CROCC: variants seen among roughly 807,000 people sequenced by gnomAD.
CROCC encodes rootletin.
A neutral mutation model predicts 245.2 loss-of-function variants in CROCC; 180 were observed. That is an observed-to-expected ratio of 0.73 (90% CI 0.65 to 0.83). The LOEUF (loss-of-function observed/expected upper bound fraction) is 0.83. Ranked by LOEUF, CROCC falls within the 40% of genes least tolerant of loss-of-function variation. CROCC has a pLI of 0.00. For missense variants in CROCC, 2,688 were observed against 2,779.4 expected (o/e 0.97, Z 0.74); for synonymous variants, 1,205 against 1,241.6 (o/e 0.97, Z 0.62).
Position 16,948,601 on chromosome 1 carries a change from C to A in CROCC, c.2708+77C>A, listed in dbSNP as rs559102346. On this transcript the variant is annotated intron_variant, in intron 18 of 36. Coordinates refer to ENST00000375541, the MANE Select transcript of CROCC (RefSeq NM_014675.5). The stretch of plus-strand genomic sequence containing the variant: ...CACCATGACCAGCCACACGCAGGCA[C>A]GGGCCCCCAGGGGCAGTTACTAAGG... The A allele has an allele frequency of 5.4e-6, 8 of 1,474,000 alleles. No homozygotes were observed. The South Asian group carries it at 5.7e-5, about 10-fold the overall frequency. 91.3% of individuals were successfully genotyped at this position (1,474,000 alleles called of 1,614,324 possible).
chr1:16,948,067 G>T (rs1338753318), intron 17 of CROCC, among the ~76,000 whole-genome samples: 1 of 152,276 alleles, frequency 6.6e-6, no homozygotes, highest in Non-Finnish European at 1.5e-5. Context: ...TTGAACTCCT[G>T]ACCTCAAGTG....
intron 24 of CROCC, 49 bp downstream of exon 24, chr1:16,955,599 C>G: frequency 7.1e-7 from 1 of 1,409,232 alleles, no homozygotes; most frequent in East Asian, 2.4e-5. Flanking sequence ...GGATCCCATC[C>G]CTGAAACCTA....
At chr1:16,919,744 A>AT (rs1265021349), upstream of CROCC, among the ~76,000 whole-genome samples, 3 of 152,360 alleles carry the variant, frequency 2.0e-5, no homozygotes, top group African/African-American at 4.8e-5. Context: ...TATCAGTCGC[A>AT]TTTTTTTGTT....
chr1:16,948,266 G>C lies in CROCC; in HGVS notation c.2515-65G>C, dbSNP rs536926057. On this transcript the variant is annotated intron_variant, in intron 17 of 36. Coordinates refer to ENST00000375541, the MANE Select transcript of CROCC (RefSeq NM_014675.5). ...AGGACTGGGTTAGGCCCAGAGTTGG[G>C]GTGCTGCACGATGAACAAGCTGGGG... 2.7e-6 allele frequency: 4 copies of C among 1,469,978 alleles called. No individual in the cohort carries two copies. In the African/African-American group the frequency reaches 5.6e-5, roughly 20 times the overall value. 91.1% of individuals were successfully genotyped at this position (1,469,978 alleles called of 1,614,324 possible). A position where few individuals can be genotyped will look rare whatever the true frequency, so the allele number is the denominator to read the frequency against.
chr1:16,931,352 T>C lies in CROCC; in HGVS notation c.911T>C (p.Val304Ala). 1 of 1,612,672 alleles carries C rather than the reference T, an allele frequency of 6.2e-7. No homozygotes were observed. Among genetic ancestry groups the C allele is most frequent in the Non-Finnish European group, 8.5e-7 (1 of 1,178,980 alleles). Residue 304 changes from valine (V) to alanine (A), a missense_variant, in exon 8 of 37, where the codon GTG (valine) becomes GCG (alanine). Transcript: ENST00000375541. ...SRLLLLWRQV[V>A]GFRRLVSEVK... ...CTGCTCCTCCTCTGGAGGCAGGTGGTGGGGTTCCGGCGGCTGGTCAGCGAG... is the reference window on the plus strand; with the variant it reads ...CTGCTCCTCCTCTGGAGGCAGGTGGCGGGGTTCCGGCGGCTGGTCAGCGAG...
intron 27 of CROCC, among the ~76,000 whole-genome samples, chr1:16,962,286 C>T (rs922240085): frequency 9.9e-5 from 15 of 151,412 alleles, no homozygotes; most frequent in Non-Finnish European, 1.3e-4. Flanking sequence ...TGGCTCATGC[C>T]TGTAATCCCA....
At position 16,938,979 on chromosome 1, in the gene CROCC, G is replaced by A. The variant is rs1400444919; in HGVS notation, c.1445G>A (p.Gly482Asp). 4 of 1,604,716 alleles carry A rather than the reference G, an allele frequency of 2.5e-6. No homozygotes were observed. Among genetic ancestry groups the A allele is most frequent in the Non-Finnish European group, 3.4e-6 (4 of 1,177,120 alleles). Residue 482 changes from glycine to aspartate, a missense_variant, in exon 12 of 37, where the codon GGC (glycine) becomes GAC (aspartate). Physicochemically the swap from Gly to Asp is moderately conservative, Grantham distance 94 (BLOSUM62 -1). Transcript: ENST00000375541. Reference sequence around the variant, plus strand: ...GAGCGCACCGCGGATGCTTCCAACGGCAGCCTGCGGGGGCTCTCGGGCCAG... The same window carrying A: ...GAGCGCACCGCGGATGCTTCCAACGACAGCCTGCGGGGGCTCTCGGGCCAG... ...GSERTADASN[G>D]SLRGLSGQRT...
chr1:16,921,158 T>TC (rs1345361087), upstream of CROCC, among the ~76,000 whole-genome samples: 1 of 152,248 alleles, frequency 6.6e-6, no homozygotes, highest in Non-Finnish European at 1.5e-5. Context: ...TACTGTTTCA[T>TC]CCCCGGACGG....
In CROCC at chr1:16,948,411, GC is replaced by G; in HGVS notation, c.2596del (p.Arg866GlufsTer9). 1 of 1,575,010 alleles carries G rather than the reference GC, an allele frequency of 6.3e-7. No individual in the cohort carries two copies. Among genetic ancestry groups the G allele is most frequent in the African/African-American group, 1.3e-5 (1 of 74,634 alleles). The part of the protein sequence containing the change: ...EAQRQVEALE[R>X]AAREKEALAK... The stretch of plus-strand genomic sequence containing the variant: ...CCCAGCGGCAAGTGGAGGCGCTGGA[GC>G]GAGCGGCCCGTGAGAAGGAGGCGCT... On this transcript the variant is annotated frameshift_variant, in exon 18 of 37. Coordinates refer to ENST00000375541, the MANE Select transcript of CROCC (RefSeq NM_014675.5). LOFTEE classifies it high-confidence loss of function.
Position 16,939,951 on chromosome 1 carries a change from C to A in CROCC, c.1666C>A (p.Leu556Ile). The A allele has an allele frequency of 4.3e-6, 7 of 1,612,662 alleles. No individual in the cohort carries two copies. In the South Asian group the frequency reaches 7.7e-5, roughly 18 times the overall value. The change falls in exon 13 of 37, where the codon CTT (leucine) becomes ATT (isoleucine). Residue 556 changes from leucine to isoleucine, a missense_variant. Physicochemically the swap from Leu to Ile is conservative, Grantham distance 5. This residue lies in a region of CROCC where 972 missense variants were observed against 895.3 expected (regional missense o/e 1.09). Transcript: ENST00000375541. Reference sequence around the variant, plus strand: ...CCTACTGGGCACCCTGCGGAAGCAGCTTAGCGACAGCGAGAGCGAGCGGCG... The same window carrying A: ...CCTACTGGGCACCCTGCGGAAGCAGATTAGCGACAGCGAGAGCGAGCGGCG... ...QDLLGTLRKQ[L>I]SDSESERRAL... is the part of the protein sequence containing the mutation.
At chr1:16,968,697 C>A (rs2076461048) in intron 31 of CROCC, among the ~76,000 whole-genome samples, 1 of 152,216 alleles carries the variant, frequency 6.6e-6, no homozygotes, top group African/African-American at 2.4e-5. Context: ...CACTCATTTC[C>A]CTTTTTGCCT....
At chr1:16,916,764 T>G (rs1054392195) in intron 1 of CROCC, among the ~76,000 whole-genome samples, 2 of 152,292 alleles carry the variant, frequency 1.3e-5, no homozygotes, top group Non-Finnish European at 2.9e-5. Context: ...CCTCCTACCT[T>G]GGCCTCCCAA....
Position 16,939,158 on chromosome 1 carries a change from A to C in CROCC, c.1608+16A>C. 1 of 1,429,314 alleles carries C rather than the reference A, an allele frequency of 7.0e-7. No individual in the cohort carries two copies. Among genetic ancestry groups the C allele is most frequent in the South Asian group, 1.4e-5 (1 of 70,068 alleles). 88.5% of individuals were successfully genotyped at this position (1,429,314 alleles called of 1,614,324 possible). ...GCAGGTCCAGGTAGGAAGGGGCTTGAGCGTTCTGGGCGCAGCCAGAGGCCT... is the reference window on the plus strand; with the variant it reads ...GCAGGTCCAGGTAGGAAGGGGCTTGCGCGTTCTGGGCGCAGCCAGAGGCCT... On this transcript the variant is annotated intron_variant, in intron 12 of 36. Coordinates refer to ENST00000375541, the MANE Select transcript of CROCC (RefSeq NM_014675.5).
chr1:16,938,862 G>A (rs776832553), intron 11 of CROCC, 47 bp from the exon 12 acceptor site: 4 of 1,568,310 alleles, frequency 2.6e-6, no homozygotes, highest in South Asian at 1.1e-5. Context: ...CTAACCCCGC[G>A]GTTCCTAACT....
At chr1:16,918,746 T>TG (rs1553149668), upstream of CROCC, among the ~76,000 whole-genome samples, 12 of 151,000 alleles carry the variant, frequency 7.9e-5, no homozygotes, top group South Asian at 1.5e-3. Flanking sequence ...TTGTTTTTGT[T>TG]TTTTTTTTGA....
Position 16,921,971 on chromosome 1 carries a change from T to C in CROCC, c.-48T>C, listed in dbSNP as rs1309614582. ...TGGCGCGTGCTGACTGAGCTAGTCTTGGGGTCCTGGAGAAGGGGGCTGGAG... is the reference window on the plus strand; with the variant it reads ...TGGCGCGTGCTGACTGAGCTAGTCTCGGGGTCCTGGAGAAGGGGGCTGGAG... On this transcript the variant is annotated 5_prime_UTR_variant, in exon 1 of 37. Transcript: ENST00000375541. 1.8e-5 allele frequency: 27 copies of C among 1,511,734 alleles called. No individual in the cohort carries two copies. The highest frequency in any genetic ancestry group is 2.4e-5 in the South Asian group (2 of 83,092). The allele number at this position is 1,511,734 out of a possible 1,614,324, so 93.6% of individuals were successfully genotyped here. A position where few individuals can be genotyped will look rare whatever the true frequency, so the allele number is the denominator to read the frequency against.
Position 16,945,443 on chromosome 1 carries a change from C to A in CROCC, c.1992-19C>A. ...GCAGGAAAGTGACATGGGCCACCCACCCACCCTTTGTCCCACAGCCATAGA... is the reference window on the plus strand; with the variant it reads ...GCAGGAAAGTGACATGGGCCACCCAACCACCCTTTGTCCCACAGCCATAGA... On this transcript the variant is annotated intron_variant, in intron 14 of 36. Coordinates refer to ENST00000375541, the MANE Select transcript of CROCC (RefSeq NM_014675.5). 1 of 1,611,322 alleles carries A rather than the reference C, an allele frequency of 6.2e-7. No individual in the cohort carries two copies. Among genetic ancestry groups the A allele is most frequent in the African/African-American group, 1.3e-5 (1 of 75,008 alleles).
At chr1:16,967,298 C>T (rs1397180812) in intron 30 of CROCC, among the ~76,000 whole-genome samples, 2 of 152,046 alleles carry the variant, frequency 1.3e-5, no homozygotes, top group African/African-American at 4.8e-5. Flanking sequence ...GTGCGTCTGT[C>T]GGGCAGGAAA....
chr1:16,921,060 G>T (rs531757043), upstream of CROCC, among the ~76,000 whole-genome samples: 2 of 152,274 alleles, frequency 1.3e-5, no homozygotes, highest in Non-Finnish European at 2.9e-5. Context: ...GTACCTTCTG[G>T]ATTTTCAAAT....
Sources: gnomAD v4.1 joint callset for allele counts (sites outside exome capture counted in the v4.1 genomes callset) on GRCh38, gnomAD v4.1.1 for gene constraint, gnomAD v4.1.1 regional missense constraint, MANE v1.5 for transcripts, NCBI Gene and HGNC (gene_info 2026-07-23, HGNC 2026-07-21) for gene names.